CNTNAP2: variants seen among roughly 807,000 people sequenced by gnomAD.
CNTNAP2 encodes contactin-associated protein-like 2.
CNTNAP2 carries 98 observed loss-of-function variants against 155.2 expected under a neutral mutation model. The ratio of observed to expected loss-of-function variants is 0.63; its 90% CI spans 0.54 to 0.75. CNTNAP2 has a LOEUF of 0.75. CNTNAP2 is among the 30% of genes least tolerant of loss of function. CNTNAP2 has a pLI of 0.00. For synonymous variants in CNTNAP2, 651 were observed against 631.2 expected, an observed-to-expected ratio of 1.03 and a Z score of -0.47; for missense variants, 1,727 against 1,688.1, an observed-to-expected ratio of 1.02 and a Z score of -0.40.
chr7:146,526,561 A>G (rs1797694416), intron 1 of CNTNAP2, among the ~76,000 whole-genome samples: 2 of 152,088 alleles, frequency 1.3e-5, no homozygotes, highest in African/African-American at 4.8e-5. Context: ...ATGGTGCTCA[A>G]CCATTCCTGA....
chr7:148,177,094 C>T (rs1028958482), intron 18 of CNTNAP2, among the ~76,000 whole-genome samples: 11 of 152,096 alleles, frequency 7.2e-5, no homozygotes, highest in African/African-American at 2.7e-4. Flanking sequence ...AATAACATAC[C>T]TATAGTAGAG....
At chr7:147,684,056 C>G (rs1795986413) in intron 13 of CNTNAP2, among the ~76,000 whole-genome samples, 2 of 151,802 alleles carry the variant, frequency 1.3e-5, no homozygotes, top group Non-Finnish European at 2.9e-5. Flanking sequence ...GTCTGGTATA[C>G]TATTATTTTA....
At chr7:147,950,471 AGTTT>A (rs1487331149) in intron 14 of CNTNAP2, among the ~76,000 whole-genome samples, 1 of 150,478 alleles carries the variant, frequency 6.6e-6, no homozygotes, top group African/African-American at 2.4e-5. Context: ...CCTCTTTGAA[AGTTT>A]GTTGACATTT....
chr7:146,164,958 T>G (rs1798290252), intron 1 of CNTNAP2, among the ~76,000 whole-genome samples: 1 of 152,174 alleles, frequency 6.6e-6, no homozygotes, highest in Non-Finnish European at 1.5e-5. Flanking sequence ...GAAACAACCC[T>G]AAGTTAAAGC....
At chr7:146,743,181 A>G (rs116357307) in intron 1 of CNTNAP2, among the ~76,000 whole-genome samples, 4,229 of 152,278 alleles carry the variant, frequency 0.028, 70 homozygotes, top group African/African-American at 0.039. Context: ...TAGTAAAAAA[A>G]CAATGCTTGT....
chr7:146,275,387 A>G (rs1190831730), intron 1 of CNTNAP2, among the ~76,000 whole-genome samples: 1 of 152,216 alleles, frequency 6.6e-6, no homozygotes, highest in Non-Finnish European at 1.5e-5. Flanking sequence ...AGTTTTTAAA[A>G]TAGTATTTCT....
chr7:147,754,823 T>A (rs1410119215), intron 13 of CNTNAP2, among the ~76,000 whole-genome samples: 4 of 149,752 alleles, frequency 2.7e-5, no homozygotes, highest in African/African-American at 1.0e-4. Flanking sequence ...TGAAAAAAAA[T>A]GGCAAAACAA....
At chr7:147,924,860 G>A (rs1416559357) in intron 14 of CNTNAP2, among the ~76,000 whole-genome samples, 1 of 152,042 alleles carries the variant, frequency 6.6e-6, no homozygotes, top group Non-Finnish European at 1.5e-5. Context: ...GCGCACACCT[G>A]TAATCCCAGC....
At chr7:146,744,452 C>G (rs1039725480) in intron 1 of CNTNAP2, among the ~76,000 whole-genome samples, 3 of 152,124 alleles carry the variant, frequency 2.0e-5, no homozygotes, top group Non-Finnish European at 4.4e-5. Context: ...GGCTCACTCA[C>G]TTCTGCTTCT....
intron 8 of CNTNAP2, among the ~76,000 whole-genome samples, chr7:147,243,416 G>T (rs879285628): frequency 6.6e-6 from 1 of 152,008 alleles, no homozygotes; most frequent in South Asian, 2.1e-4. Context: ...CTTCCAGCAC[G>T]CACCCTTCCT....
At chr7:147,901,554 C>T (rs897305779) in intron 13 of CNTNAP2, among the ~76,000 whole-genome samples, 1 of 152,184 alleles carries the variant, frequency 6.6e-6, no homozygotes, top group African/African-American at 2.4e-5. Flanking sequence ...TAGTCCTATA[C>T]ATATTTTCCA....
intron 1 of CNTNAP2, among the ~76,000 whole-genome samples, chr7:146,209,266 C>G (rs922436778): frequency 3.3e-5 from 5 of 152,142 alleles, no homozygotes; most frequent in Non-Finnish European, 5.9e-5. Context: ...CACTTACAAC[C>G]CTACGAGTAG....
At chr7:146,574,517 A>G (rs1292592132) in intron 1 of CNTNAP2, among the ~76,000 whole-genome samples, 4 of 152,164 alleles carry the variant, frequency 2.6e-5, no homozygotes, top group African/African-American at 7.2e-5. Context: ...TCTGGCCAAC[A>G]TGGTGAGACT....
rs192296257 is a variant in CNTNAP2, at chr7:146,645,010, C to T, written c.98-129261C>T. On this transcript the variant is annotated intron_variant, in intron 1 of 23. Transcript: ENST00000361727. Reference sequence around the variant, plus strand: ...GCCAGCATCATCCTGATACCAAAGCCGGGCAGAGACACAACCAAAAAAGAG... The same window carrying T: ...GCCAGCATCATCCTGATACCAAAGCTGGGCAGAGACACAACCAAAAAAGAG... 3.5e-4 allele frequency among the ~76,000 whole-genome samples: 53 copies of T among 152,098 alleles called. No homozygotes were observed. The East Asian group carries it at 9.1e-3, about 26-fold the overall frequency.
At chr7:146,334,374 T>TCCAA in intron 1 of CNTNAP2, among the ~76,000 whole-genome samples, 1 of 146,076 alleles carries the variant, frequency 6.8e-6, no homozygotes, top group African/African-American at 2.6e-5. Context: ...GAGGTTGCAG[T>TCCAA]GAGCCAAGAT....
At position 147,682,506 on chromosome 7, in the gene CNTNAP2, A is replaced by C. The variant is rs146919448; in HGVS notation, c.2098+43200A>C. 1.7e-4 allele frequency among the ~76,000 whole-genome samples: 26 copies of C among 152,080 alleles called. No individual in the cohort carries two copies. The East Asian group carries it at 4.8e-3, about 28-fold the overall frequency. ...ACATTCATTATAGTTATTAATTACA[A>C]AATTTAACTTAGTTTGAAAGTACTT... is the stretch of plus-strand genomic sequence containing the variant. On this transcript the variant is annotated intron_variant, in intron 13 of 23. Transcript: ENST00000361727.
intron 8 of CNTNAP2, among the ~76,000 whole-genome samples, chr7:147,176,164 T>C (rs1280434623): frequency 3.3e-5 from 5 of 152,180 alleles, no homozygotes; most frequent in African/African-American, 1.2e-4. Context: ...CTTTTGGAAG[T>C]TACTTGGCTC....
chr7:146,576,365 A>T (rs1166173784), intron 1 of CNTNAP2, among the ~76,000 whole-genome samples: 1 of 152,154 alleles, frequency 6.6e-6, no homozygotes, highest in African/African-American at 2.4e-5. Flanking sequence ...TATGTGTTTT[A>T]TTGGGGTAGA....
rs113359741 is a variant in CNTNAP2, at chr7:147,179,710, A to C, written c.1348+47201A>C. Among the ~76,000 whole-genome samples, 51 of 152,230 alleles carry C rather than the reference A, an allele frequency of 3.4e-4. 1 individual carries two copies. The highest frequency in any genetic ancestry group is 1.1e-3 in the African/African-American group (46 of 41,554). ...GAGAGCCTATATTAAGTAGTTGGTA[A>C]CTCAGTAAACAATGGAGTCTAGGCC... On this transcript the variant is annotated intron_variant, in intron 8 of 23. Transcript: ENST00000361727.
Sources: allele counts gnomAD v4.1 joint callset (sites outside exome capture counted in the v4.1 genomes callset), GRCh38; gene constraint gnomAD v4.1.1; transcripts MANE v1.5; gene names NCBI Gene and HGNC (gene_info 2026-07-23, HGNC 2026-07-21).